The following DLG2 variants were observed in gnomAD, a reference collection of about 807,000 sequenced individuals.
DLG2 encodes discs large MAGUK scaffold protein 2, also known as disks large homolog 2.
DLG2 carries 45 observed loss-of-function variants against 132.5 expected under a neutral mutation model. The observed-to-expected ratio is 0.34, with a 90% CI of 0.27 to 0.44. The LOEUF is 0.44. DLG2 is among the 20% of genes least tolerant of loss of function. DLG2 has a pLI of 1.00. For synonymous variants in DLG2, 424 were observed against 419.6 expected, an observed-to-expected ratio of 1.01 and a Z score of -0.13; for missense variants, 1,045 against 1,196.9, an observed-to-expected ratio of 0.87 and a Z score of 1.87.
intron 21 of DLG2, among the ~76,000 whole-genome samples, chr11:83,514,187 T>A (rs887469193): frequency 1.3e-5 from 2 of 152,248 alleles, no homozygotes; most frequent in Non-Finnish European, 2.9e-5. Flanking sequence ...CATTTGTCTG[T>A]ATCCTCTTTT....
chr11:83,462,984 G>T (rs1221766317), intron 26 of DLG2, among the ~76,000 whole-genome samples: 3 of 152,120 alleles, frequency 2.0e-5, no homozygotes, highest in Non-Finnish European at 4.4e-5. Flanking sequence ...TTGGTTGGCT[G>T]ATCAGGATGC....
chr11:83,672,972 G>C (rs956597748), intron 18 of DLG2, among the ~76,000 whole-genome samples: 3 of 152,146 alleles, frequency 2.0e-5, no homozygotes, highest in African/African-American at 7.2e-5. Context: ...TGAGGCAGGA[G>C]AATCACTTGA....
At chr11:84,060,170 G>A (rs1052839802) in intron 10 of DLG2, among the ~76,000 whole-genome samples, 1 of 151,956 alleles carries the variant, frequency 6.6e-6, no homozygotes, top group Non-Finnish European at 1.5e-5. Context: ...AAAATTAGCT[G>A]GGCATGGTGG....
At chr11:83,992,659 T>G in intron 11 of DLG2, among the ~76,000 whole-genome samples, 1 of 152,138 alleles carries the variant, frequency 6.6e-6, no homozygotes, top group East Asian at 1.9e-4. Flanking sequence ...ACCATTAATG[T>G]ACATTCAGCC....
At chr11:84,423,045 A>G (rs2098955689) in intron 7 of DLG2, among the ~76,000 whole-genome samples, 1 of 152,156 alleles carries the variant, frequency 6.6e-6, no homozygotes, top group African/African-American at 2.4e-5. Context: ...GGTAGATGGA[A>G]CTATTGTAAA....
chr11:84,633,824 C>G (rs955685045), intron 6 of DLG2, among the ~76,000 whole-genome samples: 1 of 152,086 alleles, frequency 6.6e-6, no homozygotes, highest in Admixed American at 6.6e-5. Context: ...CTGGCCTGCT[C>G]TCGTTGTTGG....
At chr11:83,920,495 A>T (rs1227303099) in intron 15 of DLG2, among the ~76,000 whole-genome samples, 1 of 152,000 alleles carries the variant, frequency 6.6e-6, no homozygotes, top group African/African-American at 2.4e-5. Flanking sequence ...TTCACAATTC[A>T]CTGGACTCAC....
intron 4 of DLG2, among the ~76,000 whole-genome samples, chr11:85,168,557 T>C (rs1410979841): frequency 6.6e-6 from 1 of 151,926 alleles, no homozygotes; most frequent in Non-Finnish European, 1.5e-5. Flanking sequence ...TCCCAAAAAA[T>C]AGGGAATCAA....
chr11:83,894,190 G>C (rs2070853284), intron 15 of DLG2, among the ~76,000 whole-genome samples: 1 of 152,120 alleles, frequency 6.6e-6, no homozygotes. Context: ...GGACATTTCT[G>C]TATCTACTGA....
At chr11:84,989,177 AAAG>A (rs1438474673) in intron 6 of DLG2, among the ~76,000 whole-genome samples, 5 of 152,182 alleles carry the variant, frequency 3.3e-5, no homozygotes, top group African/African-American at 1.2e-4. Context: ...GAAATAAATA[AAAG>A]AAGTTCTTTT....
At chr11:84,716,096 C>T (rs1329215547) in intron 6 of DLG2, among the ~76,000 whole-genome samples, 1 of 151,996 alleles carries the variant, frequency 6.6e-6, no homozygotes, top group Non-Finnish European at 1.5e-5. Context: ...TTTTTGATAA[C>T]AGCCATTTTA....
At chr11:84,049,381 C>T (rs1369869814) in intron 11 of DLG2, among the ~76,000 whole-genome samples, 1 of 151,704 alleles carries the variant, frequency 6.6e-6, no homozygotes, top group African/African-American at 2.4e-5. Flanking sequence ...ATTTCTTGTA[C>T]ATACAATTTC....
intron 6 of DLG2, among the ~76,000 whole-genome samples, chr11:84,585,745 C>T (rs1351142414): frequency 6.6e-6 from 1 of 152,076 alleles, no homozygotes; most frequent in Non-Finnish European, 1.5e-5. Context: ...TATTTTGTTG[C>T]TGTTGTTTTA....
At chr11:85,471,912 T>A (rs1210253484) in intron 3 of DLG2, among the ~76,000 whole-genome samples, 1 of 151,950 alleles carries the variant, frequency 6.6e-6, no homozygotes, top group South Asian at 2.1e-4. Flanking sequence ...ATAAGCAATC[T>A]TAGATTTAAA....
At chr11:85,320,138 T>C (rs1305588954) in intron 3 of DLG2, among the ~76,000 whole-genome samples, 1 of 151,876 alleles carries the variant, frequency 6.6e-6, no homozygotes, top group Non-Finnish European at 1.5e-5. Context: ...CATCATCCTG[T>C]AGATAAGTTA....
intron 6 of DLG2, among the ~76,000 whole-genome samples, chr11:84,787,332 A>C (rs935761273): frequency 2.0e-5 from 3 of 151,950 alleles, no homozygotes; most frequent in African/African-American, 7.2e-5. Flanking sequence ...TGTCTTTTTA[A>C]CTCATGTCCT....
At chr11:84,841,318 A>C (rs1056487557) in intron 6 of DLG2, among the ~76,000 whole-genome samples, 14 of 152,002 alleles carry the variant, frequency 9.2e-5, no homozygotes, top group Non-Finnish European at 1.9e-4. Flanking sequence ...TTGGGTTGTG[A>C]AAGAAATAAA....
intron 6 of DLG2, among the ~76,000 whole-genome samples, chr11:84,867,142 C>G (rs1470399244): frequency 6.6e-6 from 1 of 152,180 alleles, no homozygotes; most frequent in Non-Finnish European, 1.5e-5. Flanking sequence ...AGATAAATAA[C>G]AGTCATTTCC....
chr11:84,694,809 T>A (rs1391421285), intron 6 of DLG2, among the ~76,000 whole-genome samples: 1 of 151,510 alleles, frequency 6.6e-6, no homozygotes, highest in African/African-American at 2.4e-5. Flanking sequence ...CAAATATGGG[T>A]TTGTAATACA....
Sources: allele counts gnomAD v4.1 joint callset (sites outside exome capture counted in the v4.1 genomes callset), GRCh38; gene constraint gnomAD v4.1.1; transcripts MANE v1.5; gene names NCBI Gene and HGNC (gene_info 2026-07-23, HGNC 2026-07-21).